Variants in FGF14 observed in about 807,000 individuals in gnomAD.
FGF14 encodes the protein fibroblast growth factor 14, also known as fibroblast growth factor homologous factor 4.
FGF14 carries 5 observed loss-of-function variants against 25.5 expected under a neutral mutation model. The ratio of observed to expected loss-of-function variants is 0.20; its 90% CI spans 0.10 to 0.41. The LOEUF (loss-of-function observed/expected upper bound fraction) is 0.41. FGF14 is among the 10% of genes least tolerant of loss of function. The pLI, the probability that FGF14 is intolerant of heterozygous loss-of-function variation, is 1.00. For synonymous variants in FGF14, 138 were observed against 118.3 expected (o/e 1.17, Z -1.08); for missense variants, 222 against 320.1 (o/e 0.69, Z 2.34).
intron 1 of FGF14, among the ~76,000 whole-genome samples, chr13:101,879,693 C>T (rs1190443014): frequency 6.6e-6 from 1 of 152,058 alleles, no homozygotes; most frequent in Non-Finnish European, 1.5e-5. Context: ...ACACATAAAT[C>T]TCAGTACTAA....
chr13:102,302,145 G>A (rs1173531801), intron 1 of FGF14, among the ~76,000 whole-genome samples: 8 of 152,114 alleles, frequency 5.3e-5, no homozygotes, highest in African/African-American at 1.9e-4. Context: ...AGATTAAGGA[G>A]AATTCAAAAG....
intron 1 of FGF14, among the ~76,000 whole-genome samples, chr13:102,055,619 C>T (rs1350431441): frequency 6.6e-6 from 1 of 152,164 alleles, no homozygotes; most frequent in Non-Finnish European, 1.5e-5. Flanking sequence ...AATACCACAC[C>T]CATGATACAT....
At chr13:101,733,911 CAAAT>C in intron 3 of FGF14, among the ~76,000 whole-genome samples, 1 of 151,240 alleles carries the variant, frequency 6.6e-6, no homozygotes, top group East Asian at 1.9e-4. Context: ...AACTAAATAT[CAAAT>C]AATTTGATTT....
intron 3 of FGF14, chr13:101,802,285 A>G (rs764193666): frequency 7.8e-5 from 17 of 218,186 alleles, no homozygotes; most frequent in Non-Finnish European, 1.4e-4. Context: ...GACATCACTA[A>G]GGCAGAGAAG....
At chr13:101,763,491 A>C (rs531775046) in intron 3 of FGF14, among the ~76,000 whole-genome samples, 13 of 152,330 alleles carry the variant, frequency 8.5e-5, no homozygotes, top group Admixed American at 7.2e-4. Flanking sequence ...TTGTGTGTGG[A>C]GACATCAGGA....
At chr13:102,161,689 A>T (rs757082754) in intron 1 of FGF14, among the ~76,000 whole-genome samples, 1,555 of 72,556 alleles carry the variant, frequency 0.021, 58 homozygotes, top group Non-Finnish European at 0.032. Flanking sequence ...GAAGAAGAAG[A>T]AGAAGAAGAA....
chr13:102,335,475 C>T (rs962270979), intron 1 of FGF14, among the ~76,000 whole-genome samples: 4 of 151,968 alleles, frequency 2.6e-5, no homozygotes, highest in African/African-American at 9.7e-5. Flanking sequence ...TTAGCAGACA[C>T]AACCCAAACC....
chr13:101,753,363 C>T (rs956945322), intron 3 of FGF14, among the ~76,000 whole-genome samples: 1 of 151,442 alleles, frequency 6.6e-6, no homozygotes, highest in African/African-American at 2.4e-5. Context: ...AAAAGAAGAC[C>T]TAAATTCTAT....
intron 3 of FGF14, among the ~76,000 whole-genome samples, chr13:101,816,262 TC>T (rs989351381): frequency 2.5e-5 from 2 of 80,354 alleles, no homozygotes; most frequent in Non-Finnish European, 4.7e-5. Flanking sequence ...AGAGAGAGAC[TC>T]CGTCTCAAAA....
intron 3 of FGF14, among the ~76,000 whole-genome samples, chr13:101,858,904 C>T (rs552662636): frequency 6.6e-6 from 1 of 152,056 alleles, no homozygotes; most frequent in South Asian, 2.1e-4. Flanking sequence ...TTTATTTTTT[C>T]TCCCCTGAGA....
At chr13:101,734,066 TGTG>T (rs573842147) in intron 3 of FGF14, among the ~76,000 whole-genome samples, 90 of 152,122 alleles carry the variant, frequency 5.9e-4, no homozygotes, top group Admixed American at 1.0e-3. Flanking sequence ...ACATTTAAAA[TGTG>T]GTATTCAGGG....
intron 1 of FGF14, among the ~76,000 whole-genome samples, chr13:102,152,835 G>A (rs2140511720): frequency 6.6e-6 from 1 of 152,320 alleles, no homozygotes; most frequent in South Asian, 2.1e-4. Flanking sequence ...ACATGTTAAT[G>A]AACTAATGTT....
chr13:102,105,322 C>A (rs2044855356), intron 1 of FGF14, among the ~76,000 whole-genome samples: 1 of 152,118 alleles, frequency 6.6e-6, no homozygotes, highest in African/African-American at 2.4e-5. Context: ...TTAAGTAGGT[C>A]TAGAGAAATA....
chr13:101,913,285 A>G (rs1206201236), intron 1 of FGF14, among the ~76,000 whole-genome samples: 1 of 152,144 alleles, frequency 6.6e-6, no homozygotes, highest in African/African-American at 2.4e-5. Flanking sequence ...GGTGGAGGGT[A>G]GATGGAGCTG....
chr13:101,964,916 C>T (rs1369318159), intron 1 of FGF14, among the ~76,000 whole-genome samples: 2 of 152,164 alleles, frequency 1.3e-5, no homozygotes, highest in Non-Finnish European at 2.9e-5. Context: ...GGTTCTCCTT[C>T]TGGCTTTTGT....
intron 1 of FGF14, among the ~76,000 whole-genome samples, chr13:102,332,031 GT>G (rs1161028812): frequency 6.6e-6 from 1 of 152,138 alleles, no homozygotes; most frequent in East Asian, 1.9e-4. Context: ...CTGAATTCTG[GT>G]TGTGGCTCTG....
intron 1 of FGF14, among the ~76,000 whole-genome samples, chr13:102,073,067 C>T (rs1224249464): frequency 2.6e-5 from 4 of 152,220 alleles, no homozygotes; most frequent in East Asian, 3.9e-4. Flanking sequence ...CATGGTGAAA[C>T]CCCATCTCTA....
chr13:102,357,121 A>AT (rs1186059957), intron 1 of FGF14, among the ~76,000 whole-genome samples: 9 of 29,422 alleles, frequency 3.1e-4, no homozygotes, highest in African/African-American at 1.1e-3. Flanking sequence ...TTCCATTATA[A>AT]TGTTTTTTTT....
intron 3 of FGF14, among the ~76,000 whole-genome samples, chr13:101,867,769 G>C (rs1464305575): frequency 6.6e-6 from 1 of 152,018 alleles, no homozygotes; most frequent in Non-Finnish European, 1.5e-5. Context: ...GCACTTTTGA[G>C]CTCAGCATGA....
Sources: allele counts gnomAD v4.1 joint callset (sites outside exome capture counted in the v4.1 genomes callset), GRCh38; gene constraint gnomAD v4.1.1; transcripts MANE v1.5; gene names NCBI Gene and HGNC (gene_info 2026-07-23, HGNC 2026-07-21).